The following BTBD1 variants were observed in gnomAD, a reference collection of about 807,000 sequenced individuals.
BTBD1 encodes the protein BTB domain containing 1, also known as BTB/POZ domain-containing protein 1.
Under a neutral mutation model 48.0 loss-of-function variants are expected in BTBD1, and 34 were observed. The ratio of observed to expected loss-of-function variants is 0.71; its 90% CI spans 0.54 to 0.94. The LOEUF is 0.94. Ranked by LOEUF, BTBD1 falls within the 40% of genes least tolerant of loss-of-function variation. The pLI, the probability that BTBD1 is intolerant of heterozygous loss-of-function variation, is 0.00. For synonymous variants in BTBD1, 261 were observed against 242.1 expected, an observed-to-expected ratio of 1.08 and a Z score of -0.72; for missense variants, 543 against 625.6, an observed-to-expected ratio of 0.87 and a Z score of 1.41.
At chr15:83,030,438 G>A in intron 4 of BTBD1, 110 bp from the exon 5 acceptor site, 1 of 851,264 alleles carries the variant, frequency 1.2e-6, no homozygotes, top group Non-Finnish European at 1.8e-6. Flanking sequence ...AAAAATAGGG[G>A]AAAAAAATCT....
Position 83,050,161 on chromosome 15 carries a change from T to C in BTBD1, c.576A>G (p.Glu192=), listed in dbSNP as rs1342946240. ...MLLTQARLFD[E]PQLASLCLDT... The stretch of plus-strand genomic sequence containing the variant: ...CTAGACAAAGACTAGCAAGCTGAGG[T>C]TCATCAAATAATCGAGCCTAAACAT... Residue 192 remains glutamate (E), a synonymous_variant, in exon 3 of 8, where the codon GAA becomes GAG. Transcript: ENST00000261721. 6.2e-7 allele frequency: 1 copy of C among 1,612,130 alleles called. No homozygotes were observed. Among genetic ancestry groups the C allele is most frequent in the Non-Finnish European group, 8.5e-7 (1 of 1,178,818 alleles).
intron 4 of BTBD1, among the ~76,000 whole-genome samples, chr15:83,031,190 T>C (rs538104481): frequency 6.6e-6 from 1 of 152,328 alleles, no homozygotes; most frequent in East Asian, 1.9e-4. Context: ...CCAGCATCTG[T>C]TGTTTTCTGA....
intron 3 of BTBD1, chr15:83,044,402 G>A (rs2032833712): frequency 1.0e-5 from 16 of 1,561,364 alleles, no homozygotes; most frequent in South Asian, 6.9e-5. Flanking sequence ...GGAAGATGGC[G>A]CCTGGTGGAC....
At chr15:83,046,150 C>T (rs182229784) in intron 3 of BTBD1, among the ~76,000 whole-genome samples, 15 of 152,222 alleles carry the variant, frequency 9.9e-5, no homozygotes, top group South Asian at 2.1e-4. Flanking sequence ...AATCCCAGCA[C>T]TTTGGGAGGC....
intron 1 of BTBD1, 30 bp downstream of exon 1, chr15:83,066,721 C>T: frequency 7.8e-7 from 1 of 1,277,192 alleles, no homozygotes; most frequent in Admixed American, 4.3e-5. Context: ...CGGCCCGGCC[C>T]GGCCCGGCCC....
At chr15:83,043,371 C>T (rs2032806491) in intron 3 of BTBD1, among the ~76,000 whole-genome samples, 1 of 152,044 alleles carries the variant, frequency 6.6e-6, no homozygotes, top group African/African-American at 2.4e-5. Context: ...GGCAAGGAGG[C>T]CAGAGGCTGT....
At chr15:83,053,552 T>A (rs2033031259) in intron 2 of BTBD1, among the ~76,000 whole-genome samples, 1 of 152,340 alleles carries the variant, frequency 6.6e-6, no homozygotes, top group Non-Finnish European at 1.5e-5. Context: ...TGCCAAAGTT[T>A]AGTTTATTGG....
At chr15:83,060,608 A>G (rs2033161207) in intron 1 of BTBD1, among the ~76,000 whole-genome samples, 1 of 152,122 alleles carries the variant, frequency 6.6e-6, no homozygotes, top group Admixed American at 6.5e-5. Flanking sequence ...AGCCTGGCCA[A>G]TATGGTAAAA....
chr15:83,035,867 A>G (rs1217107233), intron 4 of BTBD1, among the ~76,000 whole-genome samples: 1 of 151,940 alleles, frequency 6.6e-6, no homozygotes, highest in Non-Finnish European at 1.5e-5. Flanking sequence ...TTGTATGAGG[A>G]CAATTTTGAC....
chr15:83,052,958 A>C (rs1363817778), intron 2 of BTBD1, among the ~76,000 whole-genome samples: 1 of 151,656 alleles, frequency 6.6e-6, no homozygotes, highest in Non-Finnish European at 1.5e-5. Context: ...TAATTGGCCA[A>C]CTCAACTATA....
intron 6 of BTBD1, among the ~76,000 whole-genome samples, chr15:83,019,068 G>A (rs2032233204): frequency 6.6e-6 from 1 of 151,204 alleles, no homozygotes; most frequent in African/African-American, 2.4e-5. Context: ...GTGTGTGTGT[G>A]TGTTTTTGAG....
intron 5 of BTBD1, chr15:83,029,884 T>A: frequency 2.3e-6 from 1 of 441,308 alleles, no homozygotes; most frequent in Non-Finnish European, 4.0e-6. Flanking sequence ...AACAAAAAAA[T>A]CACGTAACAG....
intron 2 of BTBD1, among the ~76,000 whole-genome samples, chr15:83,050,897 A>T (rs985340806): frequency 5.3e-5 from 8 of 152,200 alleles, no homozygotes; most frequent in African/African-American, 1.9e-4. Flanking sequence ...AATGATGAGC[A>T]AAAAAGCCAG....
At chr15:83,040,508 G>A (rs1294069710) in intron 4 of BTBD1, among the ~76,000 whole-genome samples, 1 of 152,030 alleles carries the variant, frequency 6.6e-6, no homozygotes, top group African/African-American at 2.4e-5. Flanking sequence ...TTCAAGACCA[G>A]CTTGACAAAT....
intron 1 of BTBD1, among the ~76,000 whole-genome samples, chr15:83,064,860 C>T (rs1475283514): frequency 6.6e-6 from 1 of 151,482 alleles, no homozygotes; most frequent in Admixed American, 6.6e-5. Context: ...CTTTTGAGGT[C>T]CCCCCCCTTT....
chr15:83,029,007 G>A (rs912305025), intron 5 of BTBD1, among the ~76,000 whole-genome samples: 4 of 151,666 alleles, frequency 2.6e-5, no homozygotes, highest in Non-Finnish European at 4.4e-5. Flanking sequence ...TAGCTACTTG[G>A]GCTGAATGCT....
chr15:83,022,661 CAAAAA>C (rs1307714050), intron 5 of BTBD1: 2 of 136,706 alleles, frequency 1.5e-5, no homozygotes, highest in Admixed American at 7.8e-5. Flanking sequence ...GACTCCATCT[CAAAAA>C]GAAAAAAAAA....
rs1161814423 is a variant in BTBD1, at chr15:83,030,284, G to A, written c.907C>T (p.Leu303Phe). 5 of 1,613,938 alleles carry A rather than the reference G, an allele frequency of 3.1e-6. No homozygotes were observed. The highest frequency in any genetic ancestry group is 4.2e-6 in the Non-Finnish European group (5 of 1,179,986). The stretch of plus-strand genomic sequence containing the variant: ...GGGTTGACAGTAAAATGAAGAAAGA[G>A]GTTTACCACTTCACGATCTGACAAA... ...GILSDREVVN[L>F]FLHFTVNPKP... is the part of the protein sequence containing the mutation. The change falls in exon 5 of 8, where the codon CTC becomes TTC. Residue 303 changes from leucine to phenylalanine, a missense_variant. Coordinates refer to ENST00000261721, the MANE Select transcript of BTBD1 (RefSeq NM_025238.4).
chr15:83,033,459 T>C (rs1377905924), intron 4 of BTBD1, among the ~76,000 whole-genome samples: 1 of 152,218 alleles, frequency 6.6e-6, no homozygotes, highest in Non-Finnish European at 1.5e-5. Context: ...TTGTGGGCTT[T>C]ATAACATATG....
Sources: gnomAD v4.1 joint callset for allele counts (sites outside exome capture counted in the v4.1 genomes callset) on GRCh38, gnomAD v4.1.1 for gene constraint, MANE v1.5 for transcripts, NCBI Gene and HGNC (gene_info 2026-07-23, HGNC 2026-07-21) for gene names.